Variants in ATP2C1 observed in about 807,000 individuals in gnomAD.
ATP2C1 encodes the protein calcium-transporting ATPase type 2C member 1.
Under a neutral mutation model 120.5 loss-of-function variants are expected in ATP2C1, and 31 were observed. The observed-to-expected ratio is 0.26, with a 90% CI of 0.19 to 0.35. ATP2C1 has a LOEUF of 0.35. Ranked by LOEUF, ATP2C1 falls within the 10% of genes least tolerant of loss-of-function variation. The probability of loss-of-function intolerance (pLI) is 1.00; values close to 1 mark genes in which losing one functional copy is unlikely to be tolerated. For synonymous variants in ATP2C1, 351 were observed against 358.7 expected, an observed-to-expected ratio of 0.98 and a Z score of 0.24; for missense variants, 731 against 1,107.5, an observed-to-expected ratio of 0.66 and a Z score of 4.83.
At chr3:130,896,927 T>G (rs553835640) in intron 2 of ATP2C1, among the ~76,000 whole-genome samples, 1 of 152,236 alleles carries the variant, frequency 6.6e-6, no homozygotes, top group Non-Finnish European at 1.5e-5. Flanking sequence ...CATTTGGCTT[T>G]GTGCATATTA....
At chr3:130,903,185 TC>T (rs2057947327) in intron 2 of ATP2C1, among the ~76,000 whole-genome samples, 1 of 152,094 alleles carries the variant, frequency 6.6e-6, no homozygotes, top group Non-Finnish European at 1.5e-5. Flanking sequence ...TGCCTGTTTT[TC>T]ATCTTAAACT....
intron 2 of ATP2C1, among the ~76,000 whole-genome samples, chr3:130,926,160 G>A (rs1287716138): frequency 6.6e-6 from 1 of 152,120 alleles, no homozygotes; most frequent in Non-Finnish European, 1.5e-5. Flanking sequence ...GGCTTTCCTG[G>A]TTTGTTCCTG....
intron 20 of ATP2C1, among the ~76,000 whole-genome samples, chr3:130,989,154 G>A (rs1444150293): frequency 1.3e-5 from 2 of 151,708 alleles, no homozygotes; most frequent in Non-Finnish European, 1.5e-5. Context: ...GGGAGGCTGA[G>A]GCAGAGAATT....
At chr3:130,853,035 T>G (rs2067724479) in intron 1 of ATP2C1, among the ~76,000 whole-genome samples, 1 of 152,234 alleles carries the variant, frequency 6.6e-6, no homozygotes, top group African/African-American at 2.4e-5. Context: ...TGTCATAATT[T>G]TTACTGTTTA....
intron 17 of ATP2C1, among the ~76,000 whole-genome samples, chr3:130,973,761 T>C (rs541134284): frequency 6.6e-6 from 1 of 152,310 alleles, no homozygotes; most frequent in African/African-American, 2.4e-5. Flanking sequence ...TTAATTTCTT[T>C]ATACTTTTCA....
intron 2 of ATP2C1, among the ~76,000 whole-genome samples, chr3:130,907,192 G>T (rs763267883): frequency 6.6e-6 from 1 of 151,952 alleles, no homozygotes; most frequent in African/African-American, 2.4e-5. Flanking sequence ...CTGCAGCAAT[G>T]TTTATAAGAT....
At chr3:130,992,805 A>G (rs2062417250) in intron 20 of ATP2C1, 146 bp from the exon 21 acceptor site, 2 of 680,184 alleles carry the variant, frequency 2.9e-6, no homozygotes, top group Non-Finnish European at 5.3e-6. Flanking sequence ...CTTAACAAAC[A>G]TATGTCATAT....
chr3:130,867,754 G>C (rs1367372094), intron 1 of ATP2C1, among the ~76,000 whole-genome samples: 2 of 41,822 alleles, frequency 4.8e-5, no homozygotes, highest in Admixed American at 3.9e-4. Flanking sequence ...GCCACCCATC[G>C]TCTGGGATAT....
Position 131,003,004 on chromosome 3 carries a change from T to C in ATP2C1, c.*1654T>C, listed in dbSNP as rs1238524810. 1 of 985,602 alleles carries C rather than the reference T, an allele frequency of 1.0e-6. No individual in the cohort carries two copies. Among genetic ancestry groups the C allele is most frequent in the Non-Finnish European group, 1.2e-6 (1 of 829,778 alleles). 61.1% of individuals were successfully genotyped at this position (985,602 alleles called of 1,614,324 possible). On this transcript the variant is annotated 3_prime_UTR_variant, in exon 28 of 28. Coordinates refer to ENST00000510168, the MANE Select transcript of ATP2C1 (RefSeq NM_001378687.1). ...CTTAATTTTGTAATGATTTTTATTC[T>C]CTGTTACAAAGACTTGAAATACGTA...
intron 2 of ATP2C1, among the ~76,000 whole-genome samples, chr3:130,898,218 A>G (rs1276669707): frequency 6.6e-6 from 1 of 152,202 alleles, no homozygotes; most frequent in African/African-American, 2.4e-5. Flanking sequence ...GACATGGTTA[A>G]TTTAAGATTA....
intron 2 of ATP2C1, among the ~76,000 whole-genome samples, chr3:130,927,219 C>A (rs1159715437): frequency 6.6e-6 from 1 of 151,914 alleles, no homozygotes; most frequent in African/African-American, 2.4e-5. Flanking sequence ...CACAAGAAAA[C>A]CATCTTTAAG....
chr3:130,931,297 A>G (rs1266684229), intron 3 of ATP2C1, among the ~76,000 whole-genome samples: 2 of 152,228 alleles, frequency 1.3e-5, no homozygotes, highest in South Asian at 2.1e-4. Flanking sequence ...TAGTTAGAAT[A>G]CTAAATCATG....
Position 130,986,332 on chromosome 3 carries a change from C to G in ATP2C1, c.1839+5653C>G, listed in dbSNP as rs140746114. On this transcript the variant is annotated intron_variant, in intron 20 of 27. Transcript: ENST00000510168. ...AATCTGCAGTTACTTAAACATTTTA[C>G]CATTAGACTTCTGCATAACTTCTCA... Among the ~76,000 whole-genome samples, 53 of 152,110 alleles carry G rather than the reference C, an allele frequency of 3.5e-4. No individual in the cohort carries two copies. In the East Asian group the frequency reaches 6.2e-3, roughly 18 times the overall value.
At chr3:130,890,247 T>C (rs1413817454), upstream of ATP2C1, among the ~76,000 whole-genome samples, 1 of 152,232 alleles carries the variant, frequency 6.6e-6, no homozygotes, top group Non-Finnish European at 1.5e-5. Flanking sequence ...GAATATTGTA[T>C]GTCTGTTTTC....
At chr3:130,989,809 C>T (rs1407447866) in intron 20 of ATP2C1, among the ~76,000 whole-genome samples, 1 of 152,176 alleles carries the variant, frequency 6.6e-6, no homozygotes, top group Non-Finnish European at 1.5e-5. Context: ...TTGCCAAACA[C>T]TTGTTATATT....
chr3:130,870,845 T>C (rs1406185521), intron 1 of ATP2C1, among the ~76,000 whole-genome samples: 1 of 152,232 alleles, frequency 6.6e-6, no homozygotes, highest in Non-Finnish European at 1.5e-5. Context: ...GAGGTTCTAC[T>C]ATGCTACTAA....
intron 20 of ATP2C1, among the ~76,000 whole-genome samples, chr3:130,986,851 C>T (rs941437515): frequency 6.7e-6 from 1 of 150,250 alleles, no homozygotes; most frequent in African/African-American, 2.5e-5. Flanking sequence ...TTTATTTGGC[C>T]TTCAGCTTTT....
At chr3:130,917,358 A>G (rs2058734295) in intron 2 of ATP2C1, among the ~76,000 whole-genome samples, 1 of 152,240 alleles carries the variant, frequency 6.6e-6, no homozygotes, top group Non-Finnish European at 1.5e-5. Flanking sequence ...ACTACCAGGT[A>G]AAAGACATTT....
intron 20 of ATP2C1, among the ~76,000 whole-genome samples, chr3:130,981,142 C>T (rs1023306914): frequency 1.3e-5 from 2 of 152,134 alleles, no homozygotes; most frequent in Admixed American, 6.5e-5. Flanking sequence ...CCACCACAAT[C>T]AAGATATAGA....
Sources: gnomAD v4.1 joint callset for allele counts (sites outside exome capture counted in the v4.1 genomes callset) on GRCh38, gnomAD v4.1.1 for gene constraint, MANE v1.5 for transcripts, NCBI Gene and HGNC (gene_info 2026-07-23, HGNC 2026-07-21) for gene names.